The following LRRTM4 variants were observed in gnomAD, a reference collection of about 807,000 sequenced individuals.
LRRTM4 encodes leucine rich repeat transmembrane neuronal 4.
A neutral mutation model predicts 47.6 loss-of-function variants in LRRTM4; 25 were observed. The ratio of observed to expected loss-of-function variants is 0.53; its 90% CI spans 0.38 to 0.73. LRRTM4 has a LOEUF of 0.73. Among genes scored for constraint, LRRTM4 ranks in the 30% least tolerant of loss-of-function variants. LRRTM4 has a pLI of 0.00. For synonymous variants in LRRTM4, 311 were observed against 269.5 expected (o/e 1.15, Z -1.51); for missense variants, 638 against 713.4 (o/e 0.89, Z 1.20).
chr2:77,248,204 A>G (rs1398781217), intron 3 of LRRTM4, among the ~76,000 whole-genome samples: 1 of 151,518 alleles, frequency 6.6e-6, no homozygotes, highest in African/African-American at 2.4e-5. Flanking sequence ...TATGAATACA[A>G]AATAATTGTG....
chr2:76,756,977 AAAT>A (rs1673052654), intron 3 of LRRTM4, among the ~76,000 whole-genome samples: 1 of 152,184 alleles, frequency 6.6e-6, no homozygotes, highest in Non-Finnish European at 1.5e-5. Flanking sequence ...AAGATGGAAT[AAAT>A]AATAAATCTA....
intron 3 of LRRTM4, among the ~76,000 whole-genome samples, chr2:77,500,577 G>A (rs1054969167): frequency 2.8e-4 from 43 of 151,600 alleles, no homozygotes; most frequent in African/African-American, 1.0e-3. Flanking sequence ...TCTCCTGTTT[G>A]CATAACATTG....
intron 3 of LRRTM4, among the ~76,000 whole-genome samples, chr2:77,275,791 T>C (rs1279343242): frequency 2.0e-5 from 3 of 152,022 alleles, no homozygotes; most frequent in Non-Finnish European, 4.4e-5. Flanking sequence ...AGTAATGTGA[T>C]ACCAAATCAA....
intron 3 of LRRTM4, among the ~76,000 whole-genome samples, chr2:76,974,153 TAC>T (rs1558771397): frequency 7.6e-6 from 1 of 130,950 alleles, no homozygotes; most frequent in African/African-American, 3.2e-5. Flanking sequence ...TATATATACA[TAC>T]ATATATATAT....
chr2:76,778,728 T>G (rs1045140463), intron 3 of LRRTM4, among the ~76,000 whole-genome samples: 3 of 151,258 alleles, frequency 2.0e-5, no homozygotes, highest in Admixed American at 1.3e-4. Flanking sequence ...GATTCATTAA[T>G]TTTTTGAAGG....
intron 3 of LRRTM4, among the ~76,000 whole-genome samples, chr2:77,384,008 A>G (rs1673161673): frequency 6.6e-6 from 1 of 152,140 alleles, no homozygotes; most frequent in Non-Finnish European, 1.5e-5. Context: ...ATACATTTGA[A>G]TAAGTAAGGC....
intron 3 of LRRTM4, among the ~76,000 whole-genome samples, chr2:77,407,815 A>G (rs917219435): frequency 6.7e-6 from 1 of 149,560 alleles, no homozygotes; most frequent in African/African-American, 2.4e-5. Flanking sequence ...TCTCAGGGCT[A>G]TGTCAATGTC....
intron 3 of LRRTM4, among the ~76,000 whole-genome samples, chr2:76,906,956 A>G (rs1489896165): frequency 1.1e-4 from 16 of 152,094 alleles, no homozygotes; most frequent in African/African-American, 3.9e-4. Flanking sequence ...AAAGTTAACA[A>G]GGATACCCAG....
At chr2:77,110,359 A>G (rs1308122245) in intron 3 of LRRTM4, among the ~76,000 whole-genome samples, 1 of 152,198 alleles carries the variant, frequency 6.6e-6, no homozygotes, top group Non-Finnish European at 1.5e-5. Context: ...TCAGGCAGGT[A>G]AAAATCAAAA....
chr2:77,372,248 T>C (rs879343025), intron 3 of LRRTM4, among the ~76,000 whole-genome samples: 3 of 151,902 alleles, frequency 2.0e-5, no homozygotes, highest in Non-Finnish European at 2.9e-5. Flanking sequence ...TTTTGTTATA[T>C]AAACATCCTT....
At chr2:77,390,938 G>T (rs909153436) in intron 3 of LRRTM4, among the ~76,000 whole-genome samples, 1 of 151,448 alleles carries the variant, frequency 6.6e-6, no homozygotes, top group African/African-American at 2.4e-5. Context: ...ACACAGAGAA[G>T]AAATAACTGA....
chr2:77,206,222 AGGCTGGAAT>A (rs1674122476), intron 3 of LRRTM4, among the ~76,000 whole-genome samples: 1 of 147,632 alleles, frequency 6.8e-6, no homozygotes, highest in African/African-American at 2.5e-5. Context: ...TCTGTTGCCC[AGGCTGGAAT>A]GAGGTGGTGC....
intron 3 of LRRTM4, among the ~76,000 whole-genome samples, chr2:77,031,630 G>A (rs1678659663): frequency 6.6e-6 from 1 of 152,074 alleles, no homozygotes; most frequent in Non-Finnish European, 1.5e-5. Flanking sequence ...CTGTGTCAGT[G>A]ATGACATGCA....
At chr2:76,754,167 T>A (rs140320116) in intron 3 of LRRTM4, among the ~76,000 whole-genome samples, 2 of 152,318 alleles carry the variant, frequency 1.3e-5, no homozygotes, top group East Asian at 3.9e-4. Flanking sequence ...AATTGCTTAA[T>A]GAAGATAGAC....
intron 3 of LRRTM4, among the ~76,000 whole-genome samples, chr2:76,895,711 G>A (rs1035113227): frequency 6.6e-6 from 1 of 152,008 alleles, no homozygotes; most frequent in Non-Finnish European, 1.5e-5. Context: ...GGAATGTGAC[G>A]AGCCACAGTG....
chr2:77,127,591 C>T (rs1671680587), intron 3 of LRRTM4, among the ~76,000 whole-genome samples: 1 of 152,038 alleles, frequency 6.6e-6, no homozygotes, highest in Non-Finnish European at 1.5e-5. Flanking sequence ...TCTTGGTAAT[C>T]CCCTCTCTCT....
At chr2:77,209,433 A>C (rs1275121101) in intron 3 of LRRTM4, among the ~76,000 whole-genome samples, 11 of 152,182 alleles carry the variant, frequency 7.2e-5, no homozygotes, top group South Asian at 2.1e-4. Flanking sequence ...TAAGAAAAAA[A>C]AAAAAACAAA....
chr2:76,929,331 A>G (rs886134863), intron 3 of LRRTM4, among the ~76,000 whole-genome samples: 3 of 152,128 alleles, frequency 2.0e-5, no homozygotes, highest in African/African-American at 4.8e-5. Context: ...CAACAAATGC[A>G]TTTGTGCCCA....
intron 3 of LRRTM4, among the ~76,000 whole-genome samples, chr2:76,982,903 A>G (rs1282065944): frequency 1.3e-5 from 2 of 152,094 alleles, no homozygotes; most frequent in Non-Finnish European, 2.9e-5. Flanking sequence ...TCTTACAGAC[A>G]TGGCTCTTTT....
Sources: allele counts gnomAD v4.1 joint callset (sites outside exome capture counted in the v4.1 genomes callset), GRCh38; gene constraint gnomAD v4.1.1; transcripts MANE v1.5; gene names NCBI Gene and HGNC (gene_info 2026-07-23, HGNC 2026-07-21).